Variants in RTN4RL1 observed in about 807,000 individuals in gnomAD.
The protein encoded by RTN4RL1 is reticulon-4 receptor-like 1.
A neutral mutation model predicts 25.6 loss-of-function variants in RTN4RL1; 7 were observed. That is an observed-to-expected ratio of 0.27 (90% confidence interval 0.16 to 0.51). The LOEUF (loss-of-function observed/expected upper bound fraction) is 0.51. Ranked by LOEUF, RTN4RL1 falls within the 20% of genes least tolerant of loss-of-function variation. RTN4RL1 has a pLI of 0.97. For missense variants in RTN4RL1, 500 were observed against 615.6 expected, an observed-to-expected ratio of 0.81 and a Z score of 1.99; for synonymous variants, 297 against 288.2, an observed-to-expected ratio of 1.03 and a Z score of -0.31.
At position 2,024,870 on chromosome 17, in the gene RTN4RL1, G is replaced by A. The variant is rs777517667; in HGVS notation, c.-5C>T. ...CAACTCACCTTTGCGAAGCATGTTG[G>A]CCACGGGGCCGCCGCTCCGAGGTCG... is the stretch of plus-strand genomic sequence containing the variant. On this transcript the variant is annotated 5_prime_UTR_variant, in exon 1 of 2. Coordinates refer to ENST00000331238, the MANE Select transcript of RTN4RL1 (RefSeq NM_178568.4). 1.1e-5 allele frequency: 18 copies of A among 1,583,498 alleles called. 1 individual carries two copies. The East Asian group carries it at 3.7e-4, about 33-fold the overall frequency.
chr17:2,000,122 C>T (rs1357114892), intron 1 of RTN4RL1, among the ~76,000 whole-genome samples: 1 of 152,276 alleles, frequency 6.6e-6, no homozygotes, highest in Non-Finnish European at 1.5e-5. Context: ...CAAAGGCTGA[C>T]AGCTGTGTCA....
In RTN4RL1 at chr17:1,936,419, C is replaced by T; in HGVS notation, c.*77G>A. 1.4e-6 allele frequency: 2 copies of T among 1,461,124 alleles called. No homozygotes were observed. The highest frequency in any genetic ancestry group is 2.0e-4 in the Middle Eastern group (1 of 4,902). The allele number at this position is 1,461,124 out of a possible 1,614,324, so 90.5% of individuals were successfully genotyped here. On this transcript the variant is annotated 3_prime_UTR_variant, in exon 2 of 2. Transcript: ENST00000331238. Reference sequence around the variant, plus strand: ...TTCCTGAAACCCAGCAGATCTTCCACTTGTTAAAAAAAGAAGAAAATAAAT... The same window carrying T: ...TTCCTGAAACCCAGCAGATCTTCCATTTGTTAAAAAAAGAAGAAAATAAAT...
intron 1 of RTN4RL1, among the ~76,000 whole-genome samples, chr17:1,997,892 C>A (rs1021835588): frequency 3.3e-5 from 5 of 152,236 alleles, no homozygotes. Context: ...AGGGAGGTGA[C>A]AAGGGCAGGC....
chr17:1,990,994 C>G (rs566749913), intron 1 of RTN4RL1, among the ~76,000 whole-genome samples: 1 of 152,290 alleles, frequency 6.6e-6, no homozygotes, highest in South Asian at 2.1e-4. Context: ...GGGAACGAGT[C>G]CCTCTCTAGG....
At chr17:1,974,045 A>AG (rs2066832081) in intron 1 of RTN4RL1, among the ~76,000 whole-genome samples, 1 of 151,152 alleles carries the variant, frequency 6.6e-6, no homozygotes, top group Non-Finnish European at 1.5e-5. Flanking sequence ...TCTCAGAAAA[A>AG]AAAAAAAAAA....
At chr17:1,962,319 G>A (rs1270678328) in intron 1 of RTN4RL1, among the ~76,000 whole-genome samples, 1 of 151,344 alleles carries the variant, frequency 6.6e-6, no homozygotes, top group Non-Finnish European at 1.5e-5. Context: ...AAAGAAGTAA[G>A]AAAGAAAAAG....
At chr17:1,956,570 T>C (rs889378570) in intron 1 of RTN4RL1, among the ~76,000 whole-genome samples, 4 of 152,168 alleles carry the variant, frequency 2.6e-5, no homozygotes, top group African/African-American at 9.7e-5. Context: ...AGTATCCCAC[T>C]GCATGGACAG....
intron 1 of RTN4RL1, among the ~76,000 whole-genome samples, chr17:1,954,382 C>CTT (rs1915745424): frequency 7.4e-6 from 1 of 135,412 alleles, no homozygotes; most frequent in Admixed American, 7.6e-5. Context: ...TTGCTTCCTT[C>CTT]CTTTTTTTTT....
intron 1 of RTN4RL1, among the ~76,000 whole-genome samples, chr17:1,964,218 A>G (rs1046220163): frequency 6.6e-6 from 1 of 152,234 alleles, no homozygotes; most frequent in Non-Finnish European, 1.5e-5. Flanking sequence ...AAGAATAAAA[A>G]TACCTCATGA....
intron 1 of RTN4RL1, among the ~76,000 whole-genome samples, chr17:1,954,382 CCTTT>C (rs1339624824): frequency 1.5e-5 from 2 of 135,412 alleles, no homozygotes; most frequent in East Asian, 4.2e-4. Context: ...TTGCTTCCTT[CCTTT>C]TTTTTTTTTT....
intron 1 of RTN4RL1, chr17:2,003,794 G>A (rs1326422224): frequency 2.0e-5 from 3 of 152,402 alleles, no homozygotes; most frequent in Non-Finnish European, 4.4e-5. Context: ...GTCTTGGCCG[G>A]GCGCGGTGGC....
intron 1 of RTN4RL1, among the ~76,000 whole-genome samples, chr17:2,010,384 C>T (rs1007173997): frequency 4.6e-5 from 7 of 152,072 alleles, no homozygotes; most frequent in Non-Finnish European, 5.9e-5. Flanking sequence ...GGCTGAGGCA[C>T]GAGAATCGCT....
In RTN4RL1 at chr17:1,937,002, G is replaced by A. The variant is rs772099286; in HGVS notation, c.820C>T (p.Arg274Trp). The change falls in exon 2 of 2, where the codon CGG becomes TGG. Residue 274 changes from arginine to tryptophan, a missense_variant. By Grantham distance (101) the Arg-to-Trp change is moderately radical. Coordinates refer to ENST00000331238, the MANE Select transcript of RTN4RL1 (RefSeq NM_178568.4). The stretch of plus-strand genomic sequence containing the variant: ...CAGGGGACAGCGGAGCTGGAGCCCC[G>A]GAACCTCTGCAGCCATTCCCACAGG... ...RSLWEWLQRFRGSSSAVPCVS... is the reference protein window; with the variant it reads ...RSLWEWLQRFWGSSSAVPCVS... The A allele has an allele frequency of 5.6e-6, 9 of 1,604,166 alleles. No individual in the cohort carries two copies. Among genetic ancestry groups the A allele is most frequent in the East Asian group, 4.5e-5 (2 of 44,636 alleles).
At chr17:2,024,425 T>C (rs1230430385) in intron 1 of RTN4RL1, among the ~76,000 whole-genome samples, 3 of 151,918 alleles carry the variant, frequency 2.0e-5, no homozygotes, top group Non-Finnish European at 4.4e-5. Context: ...GGCCGCGCGG[T>C]CACTGACCGC....
Position 1,942,201 on chromosome 17 carries a change from GTGCTCGGCTGAC to G in RTN4RL1, c.14-4405_14-4394del, listed in dbSNP as rs537733126. Among the ~76,000 whole-genome samples the G allele has an allele frequency of 6.6e-5, 10 of 152,266 alleles. No individual in the cohort carries two copies. The East Asian group carries it at 1.9e-3, about 30-fold the overall frequency. On this transcript the variant is annotated intron_variant, in intron 1 of 1. Transcript: ENST00000331238. ...TGCTCCTCCTCTCCTCCAGGGGCAC[GTGCTCGGCTGAC>G]TGCTCGGGTATCCCCAAACCTCCTG...
At position 1,994,810 on chromosome 17, in the gene RTN4RL1, A is replaced by T. The variant is rs781718080; in HGVS notation, c.13+30043T>A. ...AAAGGAGGCTTATAAAGATTAAATG[A>T]CGGCCAGGTGCAGTGGCTCATACCT... On this transcript the variant is annotated intron_variant, in intron 1 of 1. Transcript: ENST00000331238. This position sits in a 1 kb window ranked among gnomAD's most constrained non-coding sequence, Gnocchi z 4.3. Among the ~76,000 whole-genome samples the T allele has an allele frequency of 2.2e-4, 33 of 152,006 alleles. No homozygotes were observed. The highest frequency in any genetic ancestry group is 4.6e-4 in the Non-Finnish European group (31 of 68,002).
chr17:1,958,382 C>A (rs1484299312), intron 1 of RTN4RL1, among the ~76,000 whole-genome samples: 1 of 152,234 alleles, frequency 6.6e-6, no homozygotes, highest in Non-Finnish European at 1.5e-5. Context: ...GTCCCCACCT[C>A]CCATGAGCCG....
chr17:1,938,158 C>T (rs897051543), intron 1 of RTN4RL1, among the ~76,000 whole-genome samples: 20 of 152,146 alleles, frequency 1.3e-4, no homozygotes, highest in Admixed American at 4.6e-4. Context: ...GGGACACAGC[C>T]GTCAGCCTCC....
chr17:1,984,579 G>C (rs1414651701), intron 1 of RTN4RL1, among the ~76,000 whole-genome samples: 3 of 152,308 alleles, frequency 2.0e-5, no homozygotes, highest in African/African-American at 7.2e-5. Context: ...AGCTTTGTAT[G>C]AGATGTTCTC....
Sources: gnomAD v4.1 joint callset for allele counts (sites outside exome capture counted in the v4.1 genomes callset) on GRCh38, gnomAD v4.1.1 for gene constraint, Gnocchi (gnomAD v3.1) non-coding constraint, MANE v1.5 for transcripts, NCBI Gene and HGNC (gene_info 2026-07-23, HGNC 2026-07-21) for gene names.